The following LAMC3 variants were observed in gnomAD, a reference collection of about 807,000 sequenced individuals.
LAMC3 encodes laminin subunit gamma 3.
In LAMC3, 128 loss-of-function variants were observed where a neutral mutation model predicts 173.8. The ratio of observed to expected loss-of-function variants is 0.74; its 90% CI spans 0.64 to 0.85. The LOEUF (loss-of-function observed/expected upper bound fraction) is 0.85. Ranked by LOEUF, LAMC3 falls within the 40% of genes least tolerant of loss-of-function variation. The pLI is 0.00. For missense variants in LAMC3, 2,022 were observed against 2,156.0 expected, an observed-to-expected ratio of 0.94 and a Z score of 1.23; for synonymous variants, 897 against 909.1, an observed-to-expected ratio of 0.99 and a Z score of 0.24.
rs150699964 is a variant in LAMC3, at chr9:131,052,950, G to T, written c.1924G>T (p.Gly642Cys). The change falls in exon 11 of 28, where the codon GGC (glycine) becomes TGC (cysteine). Residue 642 changes from glycine to cysteine, a missense_variant. Transcript: ENST00000361069. ...CAGCCTCCGCCTCCGCGTCAGTCCC[G>T]GCCCCAGCCCTGCCGGTCAGTAAAG... The part of the protein sequence containing the change: ...LTSLRLRVSP[G>C]PSPAGPVFLT... The T allele has an allele frequency of 6.2e-7, 1 of 1,612,962 alleles. No individual in the cohort carries two copies. The highest frequency in any genetic ancestry group is 8.5e-7 in the Non-Finnish European group (1 of 1,179,622).
In LAMC3 at chr9:131,057,018, A is replaced by G; in HGVS notation, c.2029A>G (p.Thr677Ala). 1 of 1,614,070 alleles carries G rather than the reference A, an allele frequency of 6.2e-7. No individual in the cohort carries two copies. The highest frequency in any genetic ancestry group is 8.5e-7 in the Non-Finnish European group (1 of 1,180,016). ...CTGGGTGGAGATTTGTTCATGTCCC[A>G]CTGGCTACACGGGCCAGTTCTGTGA... ...ASWVEICSCP[T>A]GYTGQFCESC... is the part of the protein sequence containing the mutation. The change falls in exon 12 of 28, where the codon ACT (threonine) becomes GCT (alanine). Residue 677 changes from threonine to alanine, a missense_variant. Transcript: ENST00000361069.
At chr9:131,076,630 T>C (rs148520920) in intron 21 of LAMC3, among the ~76,000 whole-genome samples, 18 of 152,260 alleles carry the variant, frequency 1.2e-4, no homozygotes, top group African/African-American at 4.3e-4. Flanking sequence ...AATGCCCTTG[T>C]CGAGGAAGAA....
intron 13 of LAMC3, 101 bp downstream of exon 13, chr9:131,061,324 TG>T: frequency 9.6e-7 from 1 of 1,042,576 alleles, no homozygotes; most frequent in East Asian, 2.6e-5. Flanking sequence ...GTTTAGGGTG[TG>T]GCAGGTGAGG....
Position 131,092,144 on chromosome 9 carries a change from A to G in LAMC3, c.*357A>G, listed in dbSNP as rs1156735652. ...AGTCAGCAGCTTACGGTCCACACAC[A>G]TTACAGTCCACAGCTGTTGTGAGAG... On this transcript the variant is annotated 3_prime_UTR_variant, in exon 28 of 28. Coordinates refer to ENST00000361069, the MANE Select transcript of LAMC3 (RefSeq NM_006059.4). 5 of 344,004 alleles carry G rather than the reference A, an allele frequency of 1.5e-5. No homozygotes were observed. In the Admixed American group the frequency reaches 2.1e-4, roughly 14 times the overall value. The allele number at this position is 344,004 out of a possible 1,614,324, so 21.3% of individuals were successfully genotyped here.
chr9:131,061,975 C>T (rs748174164), intron 13 of LAMC3, among the ~76,000 whole-genome samples: 4 of 152,118 alleles, frequency 2.6e-5, no homozygotes, highest in East Asian at 1.9e-4. Flanking sequence ...GGTTTGAGCC[C>T]GGGAGGCGGA....
intron 1 of LAMC3, among the ~76,000 whole-genome samples, chr9:131,017,428 A>G (rs1833542628): frequency 6.6e-6 from 1 of 152,122 alleles, no homozygotes; most frequent in Non-Finnish European, 1.5e-5. Flanking sequence ...ACTTTTTGTT[A>G]CAAGAGTTAA....
At chr9:131,071,280 G>A (rs1327230200) in intron 17 of LAMC3, among the ~76,000 whole-genome samples, 1 of 152,122 alleles carries the variant, frequency 6.6e-6, no homozygotes, top group Non-Finnish European at 1.5e-5. Flanking sequence ...CAGGTGCCGT[G>A]AGGATGGGAG....
rs1467993280 is a variant in LAMC3 at position 131,087,810 on chromosome 9, C to G, written c.4470C>G (p.Ala1490=). 6.2e-7 allele frequency: 1 copy of G among 1,613,960 alleles called. No homozygotes were observed. The highest frequency in any genetic ancestry group is 1.3e-5 in the African/African-American group (1 of 75,060). The part of the protein sequence containing the change: ...KDIETLSELL[A]RLGSLDTHQA... The stretch of plus-strand genomic sequence containing the variant: ...TCGAGACCTTGTCAGAGCTGCTTGC[C>G]AGGCTGGGTAAGGAGGCCCTAAGGC... Residue 1490 remains alanine (A), a synonymous_variant, in exon 27 of 28, where the codon GCC becomes GCG. Coordinates refer to ENST00000361069, the MANE Select transcript of LAMC3 (RefSeq NM_006059.4).
At chr9:131,063,054 T>G (rs1829861580) in intron 13 of LAMC3, among the ~76,000 whole-genome samples, 1 of 152,170 alleles carries the variant, frequency 6.6e-6, no homozygotes, top group South Asian at 2.1e-4. Context: ...TTTTTAAGAT[T>G]CCTAGACATC....
chr9:131,019,418 G>C (rs780662583), intron 1 of LAMC3, among the ~76,000 whole-genome samples: 4 of 152,122 alleles, frequency 2.6e-5, no homozygotes, highest in Non-Finnish European at 5.9e-5. Flanking sequence ...GAGTAGACTC[G>C]AGGCAGGATT....
chr9:131,083,556 T>C (rs990519609), intron 24 of LAMC3, among the ~76,000 whole-genome samples: 1 of 152,168 alleles, frequency 6.6e-6, no homozygotes, highest in Non-Finnish European at 1.5e-5. Flanking sequence ...GTTTAGGAAC[T>C]GTCTCTTGCT....
At chr9:131,017,192 G>A (rs1421423099) in intron 1 of LAMC3, among the ~76,000 whole-genome samples, 1 of 152,174 alleles carries the variant, frequency 6.6e-6, no homozygotes, top group African/African-American at 2.4e-5. Context: ...GCGGGTCACC[G>A]GCGCAGACTC....
intron 11 of LAMC3, among the ~76,000 whole-genome samples, chr9:131,053,884 C>G (rs894263637): frequency 1.4e-4 from 22 of 152,080 alleles, no homozygotes; most frequent in Admixed American, 1.4e-3. Context: ...GTGGTCTGCA[C>G]CTGTAATTCC....
Position 131,009,176 on chromosome 9 carries a change from GC to G in LAMC3, c.-38del. On this transcript the variant is annotated 5_prime_UTR_variant, in exon 1 of 28. Coordinates refer to ENST00000361069, the MANE Select transcript of LAMC3 (RefSeq NM_006059.4). The surrounding 1 kb of genome is among the most constrained non-coding windows in gnomAD (Gnocchi z 4.3). Reference sequence around the variant, plus strand: ...CGCGGTCCGCGCCCACCCTAGCCGAGCGGGGCCGGCAGAGCGCGCGGCGTCG... The same window carrying G: ...CGCGGTCCGCGCCCACCCTAGCCGAGGGGGCCGGCAGAGCGCGCGGCGTCG... 1 of 1,170,294 alleles carries G rather than the reference GC, an allele frequency of 8.5e-7. No individual in the cohort carries two copies. Among genetic ancestry groups the G allele is most frequent in the Non-Finnish European group, 1.1e-6 (1 of 950,546 alleles). 72.5% of individuals were successfully genotyped at this position (1,170,294 alleles called of 1,614,324 possible). A position where few individuals can be genotyped will look rare whatever the true frequency, so the allele number is the denominator to read the frequency against.
rs1830462956 is a variant in LAMC3 at position 131,093,755 on chromosome 9, TC to T, written c.*1969del. On this transcript the variant is annotated 3_prime_UTR_variant, in exon 28 of 28. Transcript: ENST00000361069. ...GGCTTCCCTCTTCCCCCCTCCCGCC[TC>T]TCTTCTTGGTCTGTGTCTCTGCTCT... is the stretch of plus-strand genomic sequence containing the variant. 1 of 152,284 alleles carries T rather than the reference TC, an allele frequency of 6.6e-6. No homozygotes were observed. Among genetic ancestry groups the T allele is most frequent in the African/African-American group, 2.4e-5 (1 of 41,430 alleles). The allele number at this position is 152,284 out of a possible 1,614,324, so 9.4% of individuals were successfully genotyped here. A position where few individuals can be genotyped will look rare whatever the true frequency, so the allele number is the denominator to read the frequency against.
At chr9:131,053,867 T>C (rs1265174092) in intron 11 of LAMC3, among the ~76,000 whole-genome samples, 1 of 151,746 alleles carries the variant, frequency 6.6e-6, no homozygotes, top group East Asian at 1.9e-4. Flanking sequence ...AAAAACAGTC[T>C]GGTGGGGTGG....
At chr9:131,032,556 C>CTCTT (rs1564368382) in intron 3 of LAMC3, among the ~76,000 whole-genome samples, 93 of 123,918 alleles carry the variant, frequency 7.5e-4, no homozygotes, top group African/African-American at 4.8e-3. Context: ...TGCTCTCTCT[C>CTCTT]GCTCTCTCTC....
chr9:131,051,857 T>C (rs1008188380), intron 9 of LAMC3, among the ~76,000 whole-genome samples: 6 of 151,868 alleles, frequency 4.0e-5, no homozygotes, highest in Non-Finnish European at 8.8e-5. Context: ...CCTGTGTCCT[T>C]TCCTCCTGGG....
chr9:131,081,147 G>A (rs960907908), intron 23 of LAMC3, among the ~76,000 whole-genome samples: 11 of 152,158 alleles, frequency 7.2e-5, no homozygotes, highest in African/African-American at 2.4e-5. Flanking sequence ...AAATGGAATC[G>A]TGTAATATGT....
Sources: allele counts gnomAD v4.1 joint callset (sites outside exome capture counted in the v4.1 genomes callset), GRCh38; gene constraint gnomAD v4.1.1; non-coding constraint Gnocchi (gnomAD v3.1); transcripts MANE v1.5; gene names NCBI Gene and HGNC (gene_info 2026-07-23, HGNC 2026-07-21).